Variants in PHLDB2 observed in about 807,000 individuals in gnomAD.
PHLDB2 encodes the protein pleckstrin homology like domain family B member 2, also known as pleckstrin homology-like domain family B member 2.
PHLDB2 carries 71 observed loss-of-function variants against 123.6 expected under a neutral mutation model. The ratio of observed to expected loss-of-function variants is 0.57; its 90% CI spans 0.47 to 0.70. PHLDB2 has a LOEUF of 0.70. PHLDB2 is among the 30% of genes least tolerant of loss of function. The pLI, the probability that PHLDB2 is intolerant of heterozygous loss-of-function variation, is 0.00. For missense variants in PHLDB2, 1,446 were observed against 1,519.5 expected (o/e 0.95, Z 0.80); for synonymous variants, 547 against 541.6 (o/e 1.01, Z -0.14).
At chr3:111,752,285 C>G (rs1487906532) in intron 1 of PHLDB2, among the ~76,000 whole-genome samples, 1 of 151,322 alleles carries the variant, frequency 6.6e-6, no homozygotes, top group Non-Finnish European at 1.5e-5. Context: ...GACACAAATG[C>G]CTGTACTCAT....
chr3:111,822,363 A>G (rs113618591), intron 1 of PHLDB2, among the ~76,000 whole-genome samples: 105 of 151,486 alleles, frequency 6.9e-4, no homozygotes, highest in African/African-American at 2.5e-3. Context: ...TTGTTCTGCC[A>G]ATATTCGAAC....
At chr3:111,753,752 A>G (rs2059829300) in intron 1 of PHLDB2, among the ~76,000 whole-genome samples, 1 of 152,130 alleles carries the variant, frequency 6.6e-6, no homozygotes, top group South Asian at 2.1e-4. Context: ...GGTAATGCTT[A>G]GGTTTTCTTC....
At chr3:111,901,700 G>A (rs1165491947) in intron 2 of PHLDB2, among the ~76,000 whole-genome samples, 1 of 152,194 alleles carries the variant, frequency 6.6e-6, no homozygotes, top group Admixed American at 6.5e-5. Flanking sequence ...AAGTGAAAAT[G>A]TAAAGAGATG....
chr3:111,952,195 T>C (rs781529054), intron 10 of PHLDB2, among the ~76,000 whole-genome samples: 6 of 152,170 alleles, frequency 3.9e-5, no homozygotes, highest in Non-Finnish European at 7.3e-5. Context: ...TTCTCACTGG[T>C]ATCTGTGTCA....
intron 8 of PHLDB2, among the ~76,000 whole-genome samples, chr3:111,942,894 A>G (rs1158804555): frequency 6.6e-6 from 1 of 151,728 alleles, no homozygotes; most frequent in Non-Finnish European, 1.5e-5. Flanking sequence ...AAACGGAAAC[A>G]CACATGAAAC....
At chr3:111,810,073 G>A (rs1000027355) in intron 1 of PHLDB2, among the ~76,000 whole-genome samples, 14 of 152,032 alleles carry the variant, frequency 9.2e-5, no homozygotes, top group African/African-American at 3.1e-4. Context: ...ATCATGTTAT[G>A]GTTAACAATC....
chr3:111,859,150 C>T (rs548853022), upstream of PHLDB2: 401 of 983,626 alleles, frequency 4.1e-4, no homozygotes, highest in Non-Finnish European at 4.4e-4. Context: ...GAGGTGCGGT[C>T]ACCTGGAGTT....
At chr3:111,866,013 C>CTTTTTT (rs1239058039) in intron 1 of PHLDB2, among the ~76,000 whole-genome samples, 4 of 47,670 alleles carry the variant, frequency 8.4e-5, no homozygotes, top group Non-Finnish European at 1.3e-4. Flanking sequence ...CCCACCCACT[C>CTTTTTT]ATTTTTTTTT....
intron 2 of PHLDB2, among the ~76,000 whole-genome samples, chr3:111,890,443 A>C (rs2066413409): frequency 6.6e-6 from 1 of 152,210 alleles, no homozygotes; most frequent in African/African-American, 2.4e-5. Context: ...AATTGACTGG[A>C]TAGAGTGAGT....
intron 1 of PHLDB2, among the ~76,000 whole-genome samples, chr3:111,812,333 G>T (rs1222221053): frequency 3.3e-5 from 5 of 152,336 alleles, no homozygotes; most frequent in Admixed American, 1.3e-4. Context: ...TCTATGAAAA[G>T]TTACAGTGAA....
intron 4 of PHLDB2, 24 bp downstream of exon 4, chr3:111,919,239 T>C: frequency 1.2e-6 from 2 of 1,610,138 alleles, no homozygotes; most frequent in Non-Finnish European, 1.7e-6. Flanking sequence ...CCTCTTCCCT[T>C]TTTTCTTTCT....
intron 1 of PHLDB2, chr3:111,845,797 C>T (rs368997068): frequency 1.1e-5 from 17 of 1,611,106 alleles, no homozygotes; most frequent in Non-Finnish European, 1.4e-5. Context: ...AATCATGGTA[C>T]CTCTCTTTTC....
chr3:111,968,056 G>C (rs943525072), intron 15 of PHLDB2, among the ~76,000 whole-genome samples: 1 of 149,450 alleles, frequency 6.7e-6, no homozygotes, highest in Non-Finnish European at 1.5e-5. Context: ...CTTTTCTTTA[G>C]TCATGCATGG....
intron 1 of PHLDB2, among the ~76,000 whole-genome samples, chr3:111,801,199 A>G (rs2061365933): frequency 6.6e-6 from 1 of 152,184 alleles, no homozygotes; most frequent in Admixed American, 6.5e-5. Flanking sequence ...CCTTGTTCAA[A>G]AGTTATTAAG....
intron 2 of PHLDB2, among the ~76,000 whole-genome samples, chr3:111,853,953 G>A (rs1354717964): frequency 1.3e-5 from 2 of 152,112 alleles, no homozygotes; most frequent in Admixed American, 6.5e-5. Flanking sequence ...CAAATTACTT[G>A]GCTATTGTAT....
chr3:111,855,894 G>A (rs986007327), upstream of PHLDB2, among the ~76,000 whole-genome samples: 8 of 152,090 alleles, frequency 5.3e-5, no homozygotes, highest in African/African-American at 1.7e-4. Flanking sequence ...GGCTCCCAAG[G>A]TGTTGGGATT....
intron 1 of PHLDB2, among the ~76,000 whole-genome samples, chr3:111,822,317 G>GTGTGTGTGTGTGTGTGTGTATATA (rs1553734228): frequency 9.5e-5 from 14 of 147,910 alleles, no homozygotes; most frequent in African/African-American, 3.6e-4. Flanking sequence ...GTGTGTGTGT[G>GTGTGTGTGTGTGTGTGTGTATATA]TATATATATA....
At chr3:111,864,216 CT>C (rs774325051) in intron 1 of PHLDB2, among the ~76,000 whole-genome samples, 1 of 152,130 alleles carries the variant, frequency 6.6e-6, no homozygotes, top group African/African-American at 2.4e-5. Flanking sequence ...GTGTAGCAGT[CT>C]TTTCATTATC....
At chr3:111,835,695 A>C (rs1223317115) in intron 1 of PHLDB2, among the ~76,000 whole-genome samples, 1 of 152,156 alleles carries the variant, frequency 6.6e-6, no homozygotes, top group Non-Finnish European at 1.5e-5. Flanking sequence ...AAAGGATAGG[A>C]CTAGGAATCA....
Sources: gnomAD v4.1 joint callset for allele counts (sites outside exome capture counted in the v4.1 genomes callset) on GRCh38, gnomAD v4.1.1 for gene constraint, MANE v1.5 for transcripts, NCBI Gene and HGNC (gene_info 2026-07-23, HGNC 2026-07-21) for gene names.